The following POLG variants were observed in gnomAD, a reference collection of about 807,000 sequenced individuals.
POLG encodes DNA polymerase gamma, catalytic subunit.
POLG carries 110 observed loss-of-function variants against 155.4 expected under a neutral mutation model. That is an observed-to-expected ratio of 0.71 (90% CI 0.61 to 0.83). The LOEUF (loss-of-function observed/expected upper bound fraction) is 0.83, where lower values mean the gene tolerates loss of function less well. POLG is among the 40% of genes least tolerant of loss of function. POLG has a pLI of 0.00. For synonymous variants in POLG, 701 were observed against 631.5 expected, an observed-to-expected ratio of 1.11 and a Z score of -1.65; for missense variants, 1,685 against 1,627.5, an observed-to-expected ratio of 1.04 and a Z score of -0.61.
Position 89,333,127 on chromosome 15 carries a change from TG to T in POLG, c.627del (p.Thr210HisfsTer56). ...GAGGGGGATATGGCCACCGCCAATGTGGGGCAAGTTCCCTCTGCCAAGCAGA... is the reference window on the plus strand; with the variant it reads ...GAGGGGGATATGGCCACCGCCAATGTGGGCAAGTTCCCTCTGCCAAGCAGA... The part of the protein sequence containing the change: ...VEVCLAEGTC[P>X]TLAVAISPSA... On this transcript the variant is annotated frameshift_variant, in exon 2 of 23. Transcript: ENST00000268124. LOFTEE classifies it high-confidence loss of function. 6.6e-7 allele frequency: 1 copy of T among 1,525,046 alleles called. No individual in the cohort carries two copies. Among genetic ancestry groups the T allele is most frequent in the Non-Finnish European group, 8.8e-7 (1 of 1,136,416 alleles). 94.5% of individuals were successfully genotyped at this position (1,525,046 alleles called of 1,614,324 possible).
chr15:89,325,391 C>T, intron 10 of POLG, 59 bp downstream of exon 10: 1 of 1,235,636 alleles, frequency 8.1e-7, no homozygotes, highest in Non-Finnish European at 1.2e-6. Context: ...CTGAGCTGAC[C>T]AGCCAGGGGA....
At position 89,328,559 on chromosome 15, in the gene POLG, G is replaced by A. The variant is rs369293614; in HGVS notation, c.1171-24C>T. 1.6e-4 allele frequency: 264 copies of A among 1,610,178 alleles called. 4 individuals are homozygous for A. The highest frequency in any genetic ancestry group is 1.1e-3 in the South Asian group (103 of 91,006). On this transcript the variant is annotated intron_variant, in intron 5 of 22. Coordinates refer to ENST00000268124, the MANE Select transcript of POLG (RefSeq NM_002693.3). ...TCCTGGCACAAGGTGACAGGAAGGC[G>A]CAAGGTGGGCAGCCATCCCATTACC...
chr15:89,326,567 C>T (rs1053373701), intron 9 of POLG, 45 bp downstream of exon 9: 1 of 1,606,994 alleles, frequency 6.2e-7, no homozygotes, highest in African/African-American at 1.3e-5. Flanking sequence ...GAGAATGGAG[C>T]AAGGGTAGAC....
intron 12 of POLG, 94 bp from the exon 13 acceptor site, chr15:89,323,605 TCGTCATCAGCTGGGAA>T (rs1302160958): frequency 7.9e-6 from 7 of 883,352 alleles, no homozygotes; most frequent in Non-Finnish European, 1.1e-5. Context: ...CCTGAAACTG[TCGTCATCAGCTGGGAA>T]ATGACAAGAT....
Position 89,327,278 on chromosome 15 carries a change from C to T in POLG, c.1322G>A (p.Trp441Ter). Residue 441 changes from tryptophan (W) to a stop codon, truncating the protein, a stop_gained, in exon 7 of 23, where the codon TGG becomes TAG. Coordinates refer to ENST00000268124, the MANE Select transcript of POLG (RefSeq NM_002693.3). LOFTEE classifies it high-confidence loss of function. ...CTGTGCCTCTGCCAGGTAACGCTCC[C>T]AGTTCTGGTTGACAGGCAGGTAGGA... ...GVSYLPVNQN[W>*]ERYLAEAQGT... 6.2e-7 allele frequency: 1 copy of T among 1,614,202 alleles called. No homozygotes were observed. The highest frequency in any genetic ancestry group is 1.3e-5 in the African/African-American group (1 of 75,062).
In POLG at chr15:89,323,389, T is replaced by C. The variant is rs747993559; in HGVS notation, c.2265+15A>G. The C allele has an allele frequency of 1.1e-5, 17 of 1,555,102 alleles. No individual in the cohort carries two copies. Among genetic ancestry groups the C allele is most frequent in the Admixed American group, 8.4e-5 (5 of 59,856 alleles). On this transcript the variant is annotated intron_variant, in intron 13 of 22. Transcript: ENST00000268124. Reference sequence around the variant, plus strand: ...TGAGGAAACACCACAGGACAGGCCATGACCCAGGACACACCTTGTGAGGCA... The same window carrying C: ...TGAGGAAACACCACAGGACAGGCCACGACCCAGGACACACCTTGTGAGGCA...
intron 22 of POLG, chr15:89,317,142 T>G (rs993992126): frequency 3.3e-6 from 2 of 600,838 alleles, no homozygotes; most frequent in Non-Finnish European, 5.9e-6. Flanking sequence ...TCTTCTGTGG[T>G]TGAAGTAGGG....
Position 89,321,737 on chromosome 15 carries a change from C to G in POLG, c.2597G>C (p.Arg866Pro). 2 of 1,608,682 alleles carry G rather than the reference C, an allele frequency of 1.2e-6. No individual in the cohort carries two copies. The highest frequency in any genetic ancestry group is 1.7e-6 in the Non-Finnish European group (2 of 1,175,358). ...EPTWLTASNARPDRVGSELKA... is the reference protein window; with the variant it reads ...EPTWLTASNAPPDRVGSELKA... ...GCCAGAGGTACAGAGGTCACATACC[C>G]GGGCATTGCTGGCGGTGAGCCATGT... The change falls in exon 16 of 23, where the codon CGG becomes CCG. Residue 866 changes from arginine (R) to proline (P), a missense_variant and splice_region_variant. Coordinates refer to ENST00000268124, the MANE Select transcript of POLG (RefSeq NM_002693.3).
intron 2 of POLG, among the ~76,000 whole-genome samples, chr15:89,330,571 G>A (rs1412338340): frequency 6.6e-6 from 1 of 152,196 alleles, no homozygotes. Context: ...CTATCAAGGT[G>A]TTTGCTAGGC....
intron 15 of POLG, 26 bp downstream of exon 15, chr15:89,321,936 C>G: frequency 6.2e-7 from 1 of 1,613,284 alleles, no homozygotes; most frequent in Non-Finnish European, 8.5e-7. Context: ...GTTCTCCTAT[C>G]CCTACAACCA....
intron 21 of POLG, chr15:89,317,759 CTTTT>C (rs34171931): frequency 6.3e-6 from 3 of 477,318 alleles, no homozygotes; most frequent in South Asian, 2.5e-5. Context: ...ACTCAACATA[CTTTT>C]TTTTTTTTTC....
In POLG at chr15:89,318,958, G is replaced by T. The variant is rs2055351441; in HGVS notation, c.3246C>A (p.Ala1082=). The change falls in exon 20 of 23, where the codon GCC becomes GCA. Residue 1082 remains alanine (A), a synonymous_variant. Transcript: ENST00000268124. ...CTTCCTGGACAGCCGAGGGCTCCAG[G>T]GCTCGGCTGATGCAGCAGCCCAGCA... is the stretch of plus-strand genomic sequence containing the variant. ...TPVLGCCISR[A]LEPSAVQEEF... The T allele has an allele frequency of 6.2e-7, 1 of 1,614,052 alleles. No individual in the cohort carries two copies. The highest frequency in any genetic ancestry group is 2.2e-5 in the East Asian group (1 of 44,872).
In POLG at chr15:89,316,671, A is replaced by G; in HGVS notation, c.*80T>C. 7.6e-7 allele frequency: 1 copy of G among 1,310,902 alleles called. No individual in the cohort carries two copies. The highest frequency in any genetic ancestry group is 1.1e-6 in the Non-Finnish European group (1 of 906,930). The allele number at this position is 1,310,902 out of a possible 1,614,324, so 81.2% of individuals were successfully genotyped here. On this transcript the variant is annotated 3_prime_UTR_variant, in exon 23 of 23. Transcript: ENST00000268124. ...TTAGGCAAGCCCTTTTGCAAAAAGC[A>G]CAGCTGAAAGCCTGAGTTTGGGAGC... is the stretch of plus-strand genomic sequence containing the variant.
chr15:89,320,632 C>A (rs2055380250), intron 18 of POLG, 134 bp downstream of exon 18: 1 of 998,930 alleles, frequency 1.0e-6, no homozygotes, highest in Non-Finnish European at 1.5e-6. Flanking sequence ...AACCAGGTTA[C>A]ACAGGTGTGG....
intron 18 of POLG, among the ~76,000 whole-genome samples, chr15:89,320,478 T>C (rs1038686040): frequency 2.6e-5 from 4 of 152,238 alleles, no homozygotes; most frequent in African/African-American, 7.2e-5. Flanking sequence ...CCCTGTATTA[T>C]TGATTATGCA....
intron 2 of POLG, among the ~76,000 whole-genome samples, chr15:89,332,707 G>A (rs922526077): frequency 6.6e-6 from 1 of 152,034 alleles, no homozygotes; most frequent in Non-Finnish European, 1.5e-5. Context: ...GCTTTCTACC[G>A]CCCAAAATAA....
intron 2 of POLG, among the ~76,000 whole-genome samples, 197 bp downstream of exon 2, chr15:89,332,899 G>A (rs1355207918): frequency 6.6e-6 from 1 of 152,096 alleles, no homozygotes; most frequent in Non-Finnish European, 1.5e-5. Flanking sequence ...CATTTACTTG[G>A]GTATTTGCTT....
chr15:89,324,381 GGATT>G (rs71464463), intron 10 of POLG, 154 bp from the exon 11 acceptor site: 5 of 855,764 alleles, frequency 5.8e-6, no homozygotes, highest in Non-Finnish European at 9.4e-6. Flanking sequence ...TTTTAGACAG[GGATT>G]GATTGACAAA....
intron 21 of POLG, 31 bp from the exon 22 acceptor site, chr15:89,317,567 A>G: frequency 1.2e-6 from 2 of 1,607,932 alleles, no homozygotes; most frequent in Non-Finnish European, 1.7e-6. Flanking sequence ...TCTCACAGTC[A>G]TGCCCCTCCT....
Sources: allele counts gnomAD v4.1 joint callset (sites outside exome capture counted in the v4.1 genomes callset), GRCh38; gene constraint gnomAD v4.1.1; transcripts MANE v1.5; gene names NCBI Gene and HGNC (gene_info 2026-07-23, HGNC 2026-07-21).